Variants in ABCG5 observed in about 807,000 individuals in gnomAD.
ABCG5 encodes the protein ATP-binding cassette sub-family G member 5.
In ABCG5, 64 loss-of-function variants were observed where a neutral mutation model predicts 64.5. The observed-to-expected ratio is 0.99, with a 90% CI of 0.81 to 1.22. The LOEUF is 1.22. Among genes scored for constraint, ABCG5 ranks in the 50% most tolerant of loss-of-function variants. ABCG5 has a pLI of 0.00. For missense variants in ABCG5, 908 were observed against 829.5 expected, an observed-to-expected ratio of 1.09 and a Z score of -1.16; for synonymous variants, 385 against 326.3, an observed-to-expected ratio of 1.18 and a Z score of -1.94.
intron 6 of ABCG5, 89 bp from the exon 7 acceptor site, chr2:43,825,107 G>T (rs747362226): frequency 2.0e-6 from 3 of 1,515,910 alleles, no homozygotes; most frequent in Non-Finnish European, 2.7e-6. Flanking sequence ...CAGGGCCAAG[G>T]TCAGGTATTC....
chr2:43,808,056 A>C (rs1387323126), downstream of ABCG5, among the ~76,000 whole-genome samples: 1 of 152,226 alleles, frequency 6.6e-6, no homozygotes, highest in African/African-American at 2.4e-5. Flanking sequence ...CACCTTTGTC[A>C]TTGGTAAAAA....
chr2:43,826,381 C>T lies in ABCG5; in HGVS notation c.774+1G>A. 1.2e-6 allele frequency: 2 copies of T among 1,614,002 alleles called. No individual in the cohort carries two copies. Among genetic ancestry groups the T allele is most frequent in the Non-Finnish European group, 1.7e-6 (2 of 1,179,996 alleles). On this transcript the variant is annotated splice_donor_variant, in intron 6 of 12. Coordinates refer to ENST00000405322, the MANE Select transcript of ABCG5 (RefSeq NM_022436.3). LOFTEE classifies it high-confidence loss of function. ...CGGCCTTTACGAGTTGAACCTCTTA[C>T]CTGAAAAAGCTCAGAACGGGGCTGG...
Position 43,824,337 on chromosome 2 carries a change from T to C in ABCG5, c.1000A>G (p.Ile334Val). Residue 334 changes from isoleucine (I) to valine (V), a missense_variant, in exon 8 of 13, where the codon ATT (isoleucine) becomes GTT (valine). Physicochemically the swap from Ile to Val is conservative, Grantham distance 29. Transcript: ENST00000405322. The stretch of plus-strand genomic sequence containing the variant: ...ATATTCTTCAAAGTTTTATGACAAA[T>C]TGCTGATTTCTTGTAGGCAGATTCT... ...MIESAYKKSA[I>V]CHKTLKNIER... 6 of 1,614,220 alleles carry C rather than the reference T, an allele frequency of 3.7e-6. No homozygotes were observed. Among genetic ancestry groups the C allele is most frequent in the Non-Finnish European group, 5.1e-6 (6 of 1,180,036 alleles).
At chr2:43,810,619 T>G (rs1187741978), downstream of ABCG5, 2 of 665,900 alleles carry the variant, frequency 3.0e-6, no homozygotes, top group African/African-American at 2.0e-5. Flanking sequence ...ATAAGCACAT[T>G]TACTACCCCA....
intron 2 of ABCG5, among the ~76,000 whole-genome samples, chr2:43,837,040 A>AAG (rs769069325): frequency 1.3e-5 from 2 of 151,762 alleles, no homozygotes; most frequent in Non-Finnish European, 2.9e-5. Context: ...AAAAAGAAAA[A>AAG]AAAAGAAAAG....
intron 11 of ABCG5, among the ~76,000 whole-genome samples, chr2:43,815,330 G>A (rs1290723608): frequency 6.6e-6 from 1 of 152,116 alleles, no homozygotes; most frequent in Non-Finnish European, 1.5e-5. Flanking sequence ...CTAGTTCTAG[G>A]AGCTTGAGAA....
chr2:43,839,059 C>G (rs954982677), upstream of ABCG5: 3 of 1,550,836 alleles, frequency 1.9e-6, no homozygotes, highest in African/African-American at 4.1e-5. Context: ...GCCCCATGGC[C>G]GGGAAGGCGG....
the ABCG5 span, among the ~76,000 whole-genome samples, chr2:43,806,840 A>T: frequency 1.2e-4 from 18 of 152,186 alleles, no homozygotes; most frequent in Non-Finnish European, 2.5e-4. Context: ...CCCTTCATTC[A>T]TCTCTTGTAT....
At chr2:43,808,257 G>C (rs1436781774), downstream of ABCG5, among the ~76,000 whole-genome samples, 1 of 120,526 alleles carries the variant, frequency 8.3e-6, no homozygotes, top group Non-Finnish European at 1.7e-5. Flanking sequence ...CAATGAGGAA[G>C]TTAAAGGAAA....
the ABCG5 span, among the ~76,000 whole-genome samples, chr2:43,806,302 G>T: frequency 3.9e-5 from 6 of 152,308 alleles, no homozygotes; most frequent in African/African-American, 1.4e-4. Flanking sequence ...TAGATCGAAA[G>T]CCCCAGCAAC....
At chr2:43,813,349 C>CTAATTTAA in intron 12 of ABCG5, 40 bp from the exon 13 acceptor site, 1 of 1,442,542 alleles carries the variant, frequency 6.9e-7, no homozygotes, top group Non-Finnish European at 9.7e-7. Context: ...TGTGGTTTAT[C>CTAATTTAA]TCAGGTAATT....
chr2:43,806,757 G>C, the ABCG5 span, among the ~76,000 whole-genome samples: 2 of 151,924 alleles, frequency 1.3e-5, no homozygotes, highest in Admixed American at 1.3e-4. Flanking sequence ...ATTCAAATCT[G>C]TCTTCTCTAA....
intron 9 of ABCG5, among the ~76,000 whole-genome samples, chr2:43,823,236 T>C (rs1468930866): frequency 6.6e-6 from 1 of 152,138 alleles, no homozygotes; most frequent in Non-Finnish European, 1.5e-5. Flanking sequence ...GAATAAGTGA[T>C]TTGAAGCACT....
chr2:43,806,311 A>C, the ABCG5 span, among the ~76,000 whole-genome samples: 1 of 152,218 alleles, frequency 6.6e-6, no homozygotes, highest in Non-Finnish European at 1.5e-5. Context: ...AGCCCCAGCA[A>C]CTTCTCAGGT....
upstream of ABCG5, chr2:43,839,155 CG>C: frequency 2.6e-6 from 4 of 1,547,252 alleles, no homozygotes; most frequent in Non-Finnish European, 3.5e-6. Context: ...GCCTGGTGGG[CG>C]GGTAGGAGAA....
At chr2:43,826,338 C>T in intron 6 of ABCG5, 44 bp downstream of exon 6, 3 of 1,612,908 alleles carry the variant, frequency 1.9e-6, no homozygotes, top group Non-Finnish European at 2.5e-6. Flanking sequence ...TGATTCCCAG[C>T]TCAACACACC....
intron 9 of ABCG5, 23 bp downstream of exon 9, chr2:43,823,890 A>C: frequency 6.2e-7 from 1 of 1,611,824 alleles, no homozygotes. Flanking sequence ...AAAGAGGTGC[A>C]CCTCCAGCAC....
intron 4 of ABCG5, among the ~76,000 whole-genome samples, chr2:43,831,483 T>G: frequency 6.6e-6 from 1 of 152,196 alleles, no homozygotes; most frequent in East Asian, 1.9e-4. Flanking sequence ...TAAAAATTCT[T>G]AATGGGCTTT....
In ABCG5 at chr2:43,812,886, A is replaced by G. The variant is rs1666555298; in HGVS notation, c.*230T>C. ...TACATTCTTGGGTCCGCTCAGTCACAATTTCCAAATAACCACATGTCCCTG... is the reference window on the plus strand; with the variant it reads ...TACATTCTTGGGTCCGCTCAGTCACGATTTCCAAATAACCACATGTCCCTG... On this transcript the variant is annotated 3_prime_UTR_variant, in exon 13 of 13. Coordinates refer to ENST00000405322, the MANE Select transcript of ABCG5 (RefSeq NM_022436.3). The G allele has an allele frequency of 7.3e-6, 4 of 549,826 alleles. No homozygotes were observed. In the South Asian group the frequency reaches 8.6e-5, roughly 12 times the overall value. 34.1% of individuals were successfully genotyped at this position (549,826 alleles called of 1,614,324 possible). A position where few individuals can be genotyped will look rare whatever the true frequency, so the allele number is the denominator to read the frequency against.
Sources: gnomAD v4.1 joint callset for allele counts (sites outside exome capture counted in the v4.1 genomes callset) on GRCh38, gnomAD v4.1.1 for gene constraint, MANE v1.5 for transcripts, NCBI Gene and HGNC (gene_info 2026-07-23, HGNC 2026-07-21) for gene names.